Variants in MAML2 observed in about 807,000 individuals in gnomAD.
MAML2 encodes mastermind-like protein 2.
In MAML2, 22 loss-of-function variants were observed where a neutral mutation model predicts 96.1. That is an observed-to-expected ratio of 0.23 (90% CI 0.16 to 0.33). The LOEUF is 0.33. Ranked by LOEUF, MAML2 falls within the 10% of genes least tolerant of loss-of-function variation. The pLI is 1.00. For synonymous variants in MAML2, 561 were observed against 521.3 expected, an observed-to-expected ratio of 1.08 and a Z score of -1.04; for missense variants, 1,367 against 1,392.4, an observed-to-expected ratio of 0.98 and a Z score of 0.29.
At chr11:96,069,764 C>T (rs1042003302) in intron 2 of MAML2, among the ~76,000 whole-genome samples, 26 of 152,168 alleles carry the variant, frequency 1.7e-4, no homozygotes, top group African/African-American at 6.0e-4. Flanking sequence ...GTGGCTCACA[C>T]CTGTAATCCC....
At chr11:96,116,056 A>G (rs909060140) in intron 1 of MAML2, among the ~76,000 whole-genome samples, 1 of 152,158 alleles carries the variant, frequency 6.6e-6, no homozygotes, top group African/African-American at 2.4e-5. Flanking sequence ...GAGGCCAGGA[A>G]GCTAGGTATC....
intron 1 of MAML2, among the ~76,000 whole-genome samples, chr11:96,257,925 G>T (rs1222793901): frequency 6.6e-6 from 1 of 151,060 alleles, no homozygotes; most frequent in Non-Finnish European, 1.5e-5. Flanking sequence ...TCTATTTCCT[G>T]CAGTCTCTCA....
At chr11:95,989,958 C>G (rs543227325) in intron 3 of MAML2, among the ~76,000 whole-genome samples, 13 of 152,114 alleles carry the variant, frequency 8.5e-5, no homozygotes, top group Non-Finnish European at 1.5e-4. Flanking sequence ...CTCAAACTCA[C>G]CAACAAATTC....
chr11:96,156,762 C>A (rs1861017272), intron 1 of MAML2, among the ~76,000 whole-genome samples: 1 of 152,202 alleles, frequency 6.6e-6, no homozygotes, highest in Admixed American at 6.5e-5. Flanking sequence ...ACAACAACAA[C>A]AATTCCATCT....
chr11:96,116,472 C>T (rs191591873), intron 1 of MAML2, among the ~76,000 whole-genome samples: 17 of 152,288 alleles, frequency 1.1e-4, no homozygotes, highest in African/African-American at 2.9e-4. Flanking sequence ...GCCTGTAGCA[C>T]GATGTACCTT....
chr11:96,177,841 G>C (rs930673952), intron 1 of MAML2, among the ~76,000 whole-genome samples: 8 of 151,604 alleles, frequency 5.3e-5, no homozygotes, highest in African/African-American at 1.9e-4. Flanking sequence ...TCTTCATGTT[G>C]GAATTCACAG....
At chr11:96,166,567 C>T (rs1378657936) in intron 1 of MAML2, among the ~76,000 whole-genome samples, 5 of 152,120 alleles carry the variant, frequency 3.3e-5, no homozygotes, top group South Asian at 2.1e-4. Flanking sequence ...TTGCTGCCAC[C>T]GAAGGCTTAA....
chr11:96,316,523 T>C (rs1863635165), intron 1 of MAML2, among the ~76,000 whole-genome samples: 1 of 151,998 alleles, frequency 6.6e-6, no homozygotes, highest in South Asian at 2.1e-4. Flanking sequence ...GTTGGAGAAA[T>C]AACATAATAA....
chr11:96,342,839 C>G lies in MAML2; in HGVS notation c.-944G>C, dbSNP rs1232657803. The G allele has an allele frequency of 6.1e-6, 2 of 328,548 alleles. No homozygotes were observed. 20.4% of individuals were successfully genotyped at this position (328,548 alleles called of 1,614,324 possible). A position where few individuals can be genotyped will look rare whatever the true frequency, so the allele number is the denominator to read the frequency against. Reference sequence around the variant, plus strand: ...ACGTTTCTATTCCTCACCCCCGGCTCTATTCTAATACAGTATCAAGAGAGA... The same window carrying G: ...ACGTTTCTATTCCTCACCCCCGGCTGTATTCTAATACAGTATCAAGAGAGA... On this transcript the variant is annotated 5_prime_UTR_variant, in exon 1 of 5. Coordinates refer to ENST00000524717, the MANE Select transcript of MAML2 (RefSeq NM_032427.4).
chr11:96,240,747 C>T (rs1178438824), intron 1 of MAML2, among the ~76,000 whole-genome samples: 1 of 151,792 alleles, frequency 6.6e-6, no homozygotes, highest in Non-Finnish European at 1.5e-5. Context: ...AGTCTTCCTA[C>T]TAAATGAAAA....
chr11:96,243,761 C>T (rs938359688), intron 1 of MAML2, among the ~76,000 whole-genome samples: 1 of 150,436 alleles, frequency 6.6e-6, no homozygotes, highest in South Asian at 2.1e-4. Flanking sequence ...TCATGCCATT[C>T]TCCTGCCTCA....
chr11:96,187,035 A>G (rs1352636261), intron 1 of MAML2, among the ~76,000 whole-genome samples: 4 of 152,228 alleles, frequency 2.6e-5, no homozygotes, highest in Non-Finnish European at 5.9e-5. Context: ...ACTGTGGTCC[A>G]TTTTTTGAAC....
Position 95,979,344 on chromosome 11 carries a change from T to C in MAML2, c.3075A>G (p.Gln1025=). Residue 1025 remains glutamine (Q), a synonymous_variant, in exon 5 of 5, where the codon CAA becomes CAG. Transcript: ENST00000524717. Reference sequence around the variant, plus strand: ...GGCTCATTTGGTTCATGGGTCTCATTTGCACTGCTGGTGTTAACTGGTTAG... The same window carrying C: ...GGCTCATTTGGTTCATGGGTCTCATCTGCACTGCTGGTGTTAACTGGTTAG... ...APPNQLTPAV[Q]MRPMNQMSQT... 1 of 1,613,884 alleles carries C rather than the reference T, an allele frequency of 6.2e-7. No homozygotes were observed. The highest frequency in any genetic ancestry group is 1.3e-5 in the African/African-American group (1 of 75,032).
In MAML2 at chr11:95,979,141, C is replaced by A; in HGVS notation, c.3278G>T (p.Ser1093Ile). ...GTCAGTTCCTTGAAAAGCCCTGGAA[C>A]TTTGGTTGGGTGAAGGAAAATTGCT... ...TPSNFPSPNQ[S>I]SRAFQGTDHS... Residue 1093 changes from serine to isoleucine, a missense_variant, in exon 5 of 5, where the codon AGT becomes ATT. Transcript: ENST00000524717. 1.2e-6 allele frequency: 2 copies of A among 1,613,954 alleles called. No homozygotes were observed. The highest frequency in any genetic ancestry group is 1.7e-6 in the Non-Finnish European group (2 of 1,179,888).
At chr11:96,213,834 T>G (rs570595872) in intron 1 of MAML2, among the ~76,000 whole-genome samples, 10 of 152,178 alleles carry the variant, frequency 6.6e-5, no homozygotes, top group Non-Finnish European at 1.0e-4. Flanking sequence ...TTAGGAAAAG[T>G]CAGTAAAGAG....
chr11:96,249,721 T>C (rs1329439432), intron 1 of MAML2, among the ~76,000 whole-genome samples: 1 of 152,148 alleles, frequency 6.6e-6, no homozygotes, highest in African/African-American at 2.4e-5. Flanking sequence ...GCTACTAGCT[T>C]GCTAGTAGCT....
intron 1 of MAML2, among the ~76,000 whole-genome samples, chr11:96,262,738 G>A (rs1862768944): frequency 6.6e-6 from 1 of 152,080 alleles, no homozygotes; most frequent in Non-Finnish European, 1.5e-5. Context: ...CAAAGTGCTG[G>A]GATAATTTAA....
chr11:96,070,024 A>AAAATAAAT (rs550416059), intron 2 of MAML2, among the ~76,000 whole-genome samples: 101 of 151,318 alleles, frequency 6.7e-4, no homozygotes, highest in African/African-American at 2.3e-3. Context: ...CTCTGTCTCA[A>AAAATAAAT]AAATAAATAA....
intron 1 of MAML2, among the ~76,000 whole-genome samples, chr11:96,282,795 T>TGATA (rs2135986882): frequency 6.6e-6 from 1 of 152,230 alleles, no homozygotes; most frequent in East Asian, 1.9e-4. Flanking sequence ...TGTAACTTCC[T>TGATA]TCATGAACAT....
Sources: allele counts gnomAD v4.1 joint callset (sites outside exome capture counted in the v4.1 genomes callset), GRCh38; gene constraint gnomAD v4.1.1; transcripts MANE v1.5; gene names NCBI Gene and HGNC (gene_info 2026-07-23, HGNC 2026-07-21).